The following RAPGEF4 variants were observed in gnomAD, a reference collection of about 807,000 sequenced individuals.
RAPGEF4 encodes Rap guanine nucleotide exchange factor 4.
Under a neutral mutation model 147.9 loss-of-function variants are expected in RAPGEF4, and 66 were observed. The ratio of observed to expected loss-of-function variants is 0.45; its 90% CI spans 0.37 to 0.55. The LOEUF is 0.55. Ranked by LOEUF, RAPGEF4 falls within the 20% of genes least tolerant of loss-of-function variation. RAPGEF4 has a pLI of 0.00. For synonymous variants in RAPGEF4, 419 were observed against 442.7 expected, an observed-to-expected ratio of 0.95 and a Z score of 0.67; for missense variants, 1,071 against 1,257.3, an observed-to-expected ratio of 0.85 and a Z score of 2.24.
intron 14 of RAPGEF4, 102 bp downstream of exon 14, chr2:172,988,941 A>G: frequency 1.5e-6 from 2 of 1,308,164 alleles, no homozygotes; most frequent in Non-Finnish European, 2.1e-6. Context: ...CCTGTGATGA[A>G]TGAGTGCTCT....
At chr2:172,831,684 A>G (rs557274890) in intron 4 of RAPGEF4, among the ~76,000 whole-genome samples, 6 of 152,228 alleles carry the variant, frequency 3.9e-5, no homozygotes, top group Non-Finnish European at 8.8e-5. Context: ...GGTTAATAAT[A>G]TTAAAAGCAA....
intron 4 of RAPGEF4, among the ~76,000 whole-genome samples, chr2:172,851,318 T>C (rs1336761934): frequency 6.6e-6 from 1 of 152,200 alleles, no homozygotes; most frequent in Non-Finnish European, 1.5e-5. Context: ...TGGTATGATT[T>C]GTTTTTTTGA....
rs758651591 is a variant in RAPGEF4 at position 172,996,447 on chromosome 2, AT to A, written c.1491-14del. Reference sequence around the variant, plus strand: ...TGCCCACTTTTGAAAAATTAATGGCATTTTTGTTTCTTATCCAGGTATACTG... The same window carrying A: ...TGCCCACTTTTGAAAAATTAATGGCATTTTGTTTCTTATCCAGGTATACTG... On this transcript the variant is annotated intron_variant, in intron 15 of 30. Coordinates refer to ENST00000397081, the MANE Select transcript of RAPGEF4 (RefSeq NM_007023.4). 8.9e-6 allele frequency: 13 copies of A among 1,455,054 alleles called. No individual in the cohort carries two copies. The African/African-American group carries it at 1.0e-4, about 12-fold the overall frequency. The allele number at this position is 1,455,054 out of a possible 1,614,324, so 90.1% of individuals were successfully genotyped here.
At chr2:173,025,203 C>A (rs920531281) in intron 23 of RAPGEF4, among the ~76,000 whole-genome samples, 5 of 152,190 alleles carry the variant, frequency 3.3e-5, no homozygotes, top group African/African-American at 1.2e-4. Context: ...GCTGTATGGG[C>A]CAGACAGGGT....
intron 1 of RAPGEF4, among the ~76,000 whole-genome samples, chr2:172,787,720 A>G (rs1440057983): frequency 7.9e-5 from 12 of 152,100 alleles, no homozygotes; most frequent in Admixed American, 7.9e-4. Flanking sequence ...CCTGGGCTCA[A>G]GCAATCCTCC....
intron 4 of RAPGEF4, among the ~76,000 whole-genome samples, chr2:172,870,717 T>C (rs890573024): frequency 2.6e-5 from 4 of 152,178 alleles, no homozygotes; most frequent in Admixed American, 2.6e-4. Flanking sequence ...TATAGCCAGG[T>C]GAGATTACTT....
chr2:173,030,332 G>T (rs1575563057), intron 26 of RAPGEF4, 78 bp downstream of exon 26: 1 of 1,114,944 alleles, frequency 9.0e-7, no homozygotes, highest in African/African-American at 1.5e-5. Context: ...CTTTTTAATA[G>T]AAATATCACT....
intron 4 of RAPGEF4, among the ~76,000 whole-genome samples, chr2:172,847,359 C>T (rs1282854735): frequency 1.3e-5 from 2 of 152,180 alleles, no homozygotes; most frequent in African/African-American, 4.8e-5. Flanking sequence ...TCTTGCGTGG[C>T]AGGGTGACTG....
At chr2:172,911,741 G>A (rs1700111576) in intron 4 of RAPGEF4, among the ~76,000 whole-genome samples, 1 of 139,308 alleles carries the variant, frequency 7.2e-6, no homozygotes, top group South Asian at 2.5e-4. Context: ...TTACAGACAT[G>A]AACCACTGTG....
chr2:172,969,466 T>A (rs1317343069), intron 10 of RAPGEF4, among the ~76,000 whole-genome samples: 1 of 152,158 alleles, frequency 6.6e-6, no homozygotes, highest in Admixed American at 6.5e-5. Context: ...TAAGGCCGTA[T>A]CCCTAGCTCT....
intron 4 of RAPGEF4, among the ~76,000 whole-genome samples, chr2:172,899,981 C>A (rs1439854120): frequency 1.3e-5 from 2 of 152,168 alleles, no homozygotes; most frequent in Admixed American, 1.3e-4. Context: ...CTTCCTTCCA[C>A]CCTTGGACTC....
intron 3 of RAPGEF4, among the ~76,000 whole-genome samples, chr2:172,804,330 T>C (rs1687267466): frequency 6.6e-6 from 1 of 152,232 alleles, no homozygotes; most frequent in African/African-American, 2.4e-5. Context: ...TTCTTCTGTG[T>C]AATTGGTCTA....
chr2:173,007,930 C>T (rs931182300), intron 17 of RAPGEF4, among the ~76,000 whole-genome samples: 2 of 152,152 alleles, frequency 1.3e-5, no homozygotes, highest in African/African-American at 4.8e-5. Context: ...TCTCCAAGCC[C>T]CTTCTGTAAA....
chr2:172,969,296 G>C (rs750372), intron 10 of RAPGEF4, among the ~76,000 whole-genome samples: 40,497 of 152,174 alleles, frequency 0.27, 6,552 homozygotes, highest in East Asian at 0.43. Flanking sequence ...GAACAAGAAG[G>C]CTTCTCCTCC....
chr2:172,821,965 A>G (rs190441319), intron 4 of RAPGEF4: 13 of 1,613,608 alleles, frequency 8.1e-6, no homozygotes, highest in Non-Finnish European at 1.1e-5. Flanking sequence ...AGAAGGACGT[A>G]TGCTCTACAA....
intron 4 of RAPGEF4, among the ~76,000 whole-genome samples, chr2:172,831,269 T>TTTTTTTTTTTTTTTTTTTTTG (rs1690294454): frequency 8.7e-6 from 1 of 114,880 alleles, no homozygotes; most frequent in Non-Finnish European, 1.9e-5. Context: ...TAGAAAACTT[T>TTTTTTTTTTTTTTTTTTTTTG]TTTTTTTTTT....
At chr2:172,814,777 A>G (rs1269695995) in intron 4 of RAPGEF4, 2 of 305,750 alleles carry the variant, frequency 6.5e-6, no homozygotes, top group East Asian at 1.6e-4. Context: ...CATTTTAAAA[A>G]TCATCATTGA....
chr2:172,943,825 T>C (rs962131167), intron 6 of RAPGEF4, among the ~76,000 whole-genome samples: 2 of 152,212 alleles, frequency 1.3e-5, no homozygotes, highest in Non-Finnish European at 2.9e-5. Context: ...CTCAGAGTTT[T>C]CTCTGTTCTA....
At chr2:172,948,868 TG>T (rs771857648) in intron 6 of RAPGEF4, among the ~76,000 whole-genome samples, 9 of 152,100 alleles carry the variant, frequency 5.9e-5, no homozygotes, top group Non-Finnish European at 1.2e-4. Flanking sequence ...GCTTAATACT[TG>T]GGTGATTAAA....
Sources: gnomAD v4.1 joint callset for allele counts (sites outside exome capture counted in the v4.1 genomes callset) on GRCh38, gnomAD v4.1.1 for gene constraint, MANE v1.5 for transcripts, NCBI Gene and HGNC (gene_info 2026-07-23, HGNC 2026-07-21) for gene names.